Variants in ZNF503 observed in about 807,000 individuals in gnomAD.
ZNF503 encodes the protein zinc finger protein 503.
A neutral mutation model predicts 34.4 loss-of-function variants in ZNF503; 15 were observed. The ratio of observed to expected loss-of-function variants is 0.44; its 90% CI spans 0.29 to 0.67. ZNF503 has a LOEUF of 0.67. ZNF503 is among the 30% of genes least tolerant of loss of function. The pLI, the probability that ZNF503 is intolerant of heterozygous loss-of-function variation, is 0.13. For synonymous variants in ZNF503, 580 were observed against 456.8 expected (o/e 1.27, Z -3.44); for missense variants, 1,007 against 926.8 (o/e 1.09, Z -1.12).
chr10:75,286,746 A>G, the ZNF503 span, among the ~76,000 whole-genome samples: 1 of 152,094 alleles, frequency 6.6e-6, no homozygotes, highest in Non-Finnish European at 1.5e-5. Flanking sequence ...TTTTGGGGGA[A>G]AGGTGTCCCA....
the ZNF503 span, among the ~76,000 whole-genome samples, chr10:75,362,138 A>G: frequency 1.3e-5 from 2 of 152,098 alleles, no homozygotes; most frequent in Admixed American, 6.5e-5. Flanking sequence ...CCCTAACTTC[A>G]CTGGAGAAAT....
chr10:75,399,201 C>A lies in ZNF503; in HGVS notation c.1489G>T (p.Gly497Cys). The A allele has an allele frequency of 1.9e-6, 3 of 1,599,174 alleles. No homozygotes were observed. Among genetic ancestry groups the A allele is most frequent in the Non-Finnish European group, 2.6e-6 (3 of 1,171,240 alleles). Residue 497 changes from glycine (G) to cysteine (C), a missense_variant, in exon 2 of 2, where the codon GGC becomes TGC. Gly to Cys is a radical substitution (Grantham distance 159). Transcript: ENST00000372524. Reference protein sequence around the residue: ...AAGATPPSLAGHPLYPYGFML... With the variant: ...AAGATPPSLACHPLYPYGFML... Reference sequence around the variant, plus strand: ...AAGCCGTAGGGGTAGAGGGGGTGGCCGGCCAGGGAGGGCGGTGTGGCGCCA... The same window carrying A: ...AAGCCGTAGGGGTAGAGGGGGTGGCAGGCCAGGGAGGGCGGTGTGGCGCCA...
intron 1 of ZNF503, 111 bp downstream of exon 1, chr10:75,400,994 G>C: frequency 2.7e-6 from 4 of 1,475,494 alleles, no homozygotes; most frequent in East Asian, 2.4e-5. Context: ...CCCCATTCGG[G>C]AGCTGAATCA....
At chr10:75,334,871 G>A in the ZNF503 span, among the ~76,000 whole-genome samples, 1 of 152,206 alleles carries the variant, frequency 6.6e-6, no homozygotes, top group Non-Finnish European at 1.5e-5. Context: ...AATGCAGTCA[G>A]ATGTCTGCTT....
the ZNF503 span, among the ~76,000 whole-genome samples, chr10:75,373,931 C>T: frequency 6.6e-6 from 1 of 152,220 alleles, no homozygotes; most frequent in African/African-American, 2.4e-5. Context: ...AGCAGAAGGG[C>T]CAACTGACCC....
chr10:75,377,370 C>G, the ZNF503 span, among the ~76,000 whole-genome samples: 784 of 152,294 alleles, frequency 5.1e-3, 14 homozygotes, highest in African/African-American at 0.017. Context: ...CCACCTAAAC[C>G]CTGGAGTTAA....
chr10:75,290,504 AC>A, the ZNF503 span, among the ~76,000 whole-genome samples: 1 of 152,190 alleles, frequency 6.6e-6, no homozygotes. Context: ...CTTGGAAATC[AC>A]TTAGTGTCAC....
the ZNF503 span, among the ~76,000 whole-genome samples, chr10:75,384,690 A>G: frequency 2.6e-5 from 4 of 151,798 alleles, no homozygotes; most frequent in African/African-American, 9.7e-5. Context: ...AGCCCTGTGC[A>G]CCTCCCCAAA....
At chr10:75,285,789 G>T in the ZNF503 span, among the ~76,000 whole-genome samples, 2 of 152,196 alleles carry the variant, frequency 1.3e-5, no homozygotes, top group Non-Finnish European at 2.9e-5. Context: ...TTTGGAAGGG[G>T]AAAACATTAG....
At chr10:75,400,708 C>A (rs1291933967) in intron 1 of ZNF503, among the ~76,000 whole-genome samples, 1 of 152,216 alleles carries the variant, frequency 6.6e-6, no homozygotes, top group Non-Finnish European at 1.5e-5. Flanking sequence ...CACAAACACT[C>A]CTTAATTCTT....
the ZNF503 span, among the ~76,000 whole-genome samples, chr10:75,293,391 G>A: frequency 6.6e-6 from 1 of 152,206 alleles, no homozygotes; most frequent in Non-Finnish European, 1.5e-5. Flanking sequence ...GCCTTTCCAG[G>A]TAGGCAGGAA....
the ZNF503 span, among the ~76,000 whole-genome samples, chr10:75,348,331 G>T: frequency 6.6e-6 from 1 of 152,074 alleles, no homozygotes; most frequent in Non-Finnish European, 1.5e-5. Context: ...CAAAGTGCTG[G>T]GATTACAGAC....
the ZNF503 span, among the ~76,000 whole-genome samples, chr10:75,341,435 CTT>C: frequency 6.6e-6 from 1 of 151,854 alleles, no homozygotes; most frequent in Non-Finnish European, 1.5e-5. Context: ...TGACTTGTCT[CTT>C]TTTTTTGCTG....
the ZNF503 span, among the ~76,000 whole-genome samples, chr10:75,308,195 C>CATT: frequency 1.5e-5 from 2 of 133,270 alleles, no homozygotes; most frequent in Non-Finnish European, 3.1e-5. Context: ...GACAATACAT[C>CATT]TTTTTTTTTT....
the ZNF503 span, among the ~76,000 whole-genome samples, chr10:75,342,546 G>A: frequency 3.9e-5 from 6 of 152,110 alleles, no homozygotes; most frequent in South Asian, 2.1e-4. Flanking sequence ...GGGTGCCATC[G>A]CTTGGCAGGT....
downstream of ZNF503, among the ~76,000 whole-genome samples, chr10:75,394,393 C>T (rs1255070248): frequency 6.6e-6 from 1 of 152,232 alleles, no homozygotes; most frequent in Non-Finnish European, 1.5e-5. Context: ...TCACTCTAAG[C>T]ACCACCAGGC....
chr10:75,363,917 T>G, the ZNF503 span, among the ~76,000 whole-genome samples: 9 of 152,240 alleles, frequency 5.9e-5, no homozygotes, highest in Non-Finnish European at 1.3e-4. Flanking sequence ...CCACCATTCA[T>G]GCAGCCATAC....
chr10:75,325,873 T>G, the ZNF503 span, among the ~76,000 whole-genome samples: 24 of 152,008 alleles, frequency 1.6e-4, no homozygotes, highest in Non-Finnish European at 3.2e-4. Flanking sequence ...TTTTTTTTTT[T>G]TTTGAGATAG....
chr10:75,304,442 T>C, the ZNF503 span, among the ~76,000 whole-genome samples: 1 of 152,170 alleles, frequency 6.6e-6, no homozygotes. Context: ...TTAATTGACC[T>C]CCTTTTAAAT....
Sources: gnomAD v4.1 joint callset for allele counts (sites outside exome capture counted in the v4.1 genomes callset) on GRCh38, gnomAD v4.1.1 for gene constraint, MANE v1.5 for transcripts, NCBI Gene and HGNC (gene_info 2026-07-23, HGNC 2026-07-21) for gene names.